PTPRD: variants seen among roughly 807,000 people sequenced by gnomAD.
PTPRD encodes protein tyrosine phosphatase receptor type D, also known as receptor-type tyrosine-protein phosphatase delta.
Under a neutral mutation model 214.5 loss-of-function variants are expected in PTPRD, and 34 were observed. The observed-to-expected ratio is 0.16, with a 90% CI of 0.12 to 0.21. The LOEUF (loss-of-function observed/expected upper bound fraction) is 0.21. Ranked by LOEUF, PTPRD falls within the 10% of genes least tolerant of loss-of-function variation. The pLI is 1.00. For missense variants in PTPRD, 2,545 were observed against 2,398.7 expected, an observed-to-expected ratio of 1.06 and a Z score of -1.27; for synonymous variants, 1,128 against 845.7, an observed-to-expected ratio of 1.33 and a Z score of -5.79.
intron 2 of PTPRD, among the ~76,000 whole-genome samples, chr9:10,429,934 TA>T (rs2098661705): frequency 1.3e-5 from 2 of 151,944 alleles, no homozygotes; most frequent in South Asian, 4.1e-4. Context: ...ATTTTCATTG[TA>T]AAAGGCACAA....
chr9:8,331,697 C>A lies in PTPRD; in HGVS notation c.5419G>T (p.Asp1807Tyr). The A allele has an allele frequency of 6.2e-7, 1 of 1,613,022 alleles. No homozygotes were observed. Among genetic ancestry groups the A allele is most frequent in the Non-Finnish European group, 8.5e-7 (1 of 1,179,644 alleles). Residue 1807 changes from aspartate to tyrosine, a missense_variant, in exon 44 of 46, where the codon GAC (aspartate) becomes TAC (tyrosine). By Grantham distance (160) the Asp-to-Tyr change is radical. Coordinates refer to ENST00000381196, the MANE Select transcript of PTPRD (RefSeq NM_002839.4). Reference protein sequence around the residue: ...SRTVRQFQFTDWPEQGVPKSG... With the variant: ...SRTVRQFQFTYWPEQGVPKSG... ...TTTGGCACTCCTTGCTCTGGCCAGT[C>A]AGTGAACTGGAACTGCCTTACTGTT... is the stretch of plus-strand genomic sequence containing the variant.
At chr9:9,074,290 A>T (rs1292986787) in intron 10 of PTPRD, among the ~76,000 whole-genome samples, 1 of 152,150 alleles carries the variant, frequency 6.6e-6, no homozygotes, top group Admixed American at 6.6e-5. Flanking sequence ...ATAATTGAAA[A>T]GAGATAAGGA....
At chr9:9,737,476 A>G (rs910789257) in intron 6 of PTPRD, among the ~76,000 whole-genome samples, 1 of 152,170 alleles carries the variant, frequency 6.6e-6, no homozygotes, top group African/African-American at 2.4e-5. Flanking sequence ...AGAAAACCCT[A>G]TATAGTACCT....
chr9:10,511,487 T>C (rs2047984009), intron 2 of PTPRD, among the ~76,000 whole-genome samples: 1 of 151,988 alleles, frequency 6.6e-6, no homozygotes, highest in South Asian at 2.1e-4. Flanking sequence ...CACTGCAACT[T>C]CTGCCTCCTG....
intron 7 of PTPRD, among the ~76,000 whole-genome samples, chr9:9,694,482 C>A (rs138974762): frequency 9.1e-4 from 139 of 152,122 alleles, no homozygotes; most frequent in African/African-American, 2.9e-3. Context: ...GTGGCCACCA[C>A]CACCAGGACT....
chr9:9,595,492 A>G (rs931604617), intron 7 of PTPRD, among the ~76,000 whole-genome samples: 2 of 150,692 alleles, frequency 1.3e-5, no homozygotes, highest in East Asian at 2.0e-4. Flanking sequence ...ATGTATGCAT[A>G]TGTACACATG....
chr9:10,601,597 A>G (rs1018556), intron 2 of PTPRD, among the ~76,000 whole-genome samples: 70,460 of 151,442 alleles, frequency 0.47, 16,628 homozygotes, highest in Middle Eastern at 0.57. Flanking sequence ...ACTACAAAAC[A>G]AAAACTTTGG....
intron 11 of PTPRD, among the ~76,000 whole-genome samples, chr9:8,975,034 T>G (rs958726648): frequency 9.4e-5 from 14 of 148,678 alleles, no homozygotes; most frequent in African/African-American, 3.5e-4. Context: ...GAAGTGGAGA[T>G]TGCAGTGAGC....
At chr9:9,799,605 C>A (rs868499176) in intron 5 of PTPRD, 6 of 152,040 alleles carry the variant, frequency 3.9e-5, no homozygotes, top group Admixed American at 3.3e-4. Context: ...TAATGAGAAC[C>A]AAGGTAAAGC....
At chr9:8,661,232 T>C (rs1052937793) in intron 12 of PTPRD, among the ~76,000 whole-genome samples, 1 of 152,088 alleles carries the variant, frequency 6.6e-6, no homozygotes, top group African/African-American at 2.4e-5. Context: ...CTTATTATAA[T>C]GGTCAGAGAA....
chr9:10,314,285 A>G (rs2096360197), intron 3 of PTPRD, among the ~76,000 whole-genome samples: 1 of 151,926 alleles, frequency 6.6e-6, no homozygotes, highest in Non-Finnish European at 1.5e-5. Flanking sequence ...AACCAGGACA[A>G]GGTTGGAATA....
chr9:9,544,437 AC>A (rs1199293258), intron 8 of PTPRD, among the ~76,000 whole-genome samples: 1 of 151,496 alleles, frequency 6.6e-6, no homozygotes, highest in Non-Finnish European at 1.5e-5. Context: ...ACATTTCTTA[AC>A]CTTTTTAAGG....
intron 8 of PTPRD, among the ~76,000 whole-genome samples, chr9:9,471,373 C>T (rs2094574499): frequency 4.6e-5 from 7 of 152,134 alleles, no homozygotes; most frequent in Admixed American, 4.6e-4. Flanking sequence ...TCTCATGGAA[C>T]AACCTACAAA....
chr9:9,444,920 C>A (rs1383411930), intron 8 of PTPRD, among the ~76,000 whole-genome samples: 1 of 152,172 alleles, frequency 6.6e-6, no homozygotes, highest in Non-Finnish European at 1.5e-5. Flanking sequence ...CCTATTTTCT[C>A]TATCCTTCAT....
chr9:9,265,019 G>A (rs1481432008), intron 9 of PTPRD, among the ~76,000 whole-genome samples: 2 of 151,544 alleles, frequency 1.3e-5, no homozygotes, highest in Non-Finnish European at 3.0e-5. Flanking sequence ...AACTAGACCT[G>A]GCTTACAAGA....
rs187744138 is a variant in PTPRD, at chr9:9,869,178, G to T, written c.-368+69329C>A. Among the ~76,000 whole-genome samples the T allele has an allele frequency of 8.7e-4, 132 of 152,206 alleles. 2 individuals are homozygous for T. The South Asian group carries it at 0.026, about 30-fold the overall frequency. On this transcript the variant is annotated intron_variant, in intron 5 of 45. Transcript: ENST00000381196. The stretch of plus-strand genomic sequence containing the variant: ...TAAATTGATAAAGGGAATCAATCAA[G>T]CATTATCTTGACTTTTCTGAACAAA...
intron 11 of PTPRD, among the ~76,000 whole-genome samples, chr9:9,002,384 AC>A (rs1410025462): frequency 6.6e-6 from 1 of 152,064 alleles, no homozygotes; most frequent in Non-Finnish European, 1.5e-5. Flanking sequence ...GGCAGCCCAT[AC>A]TAAAGAACAA....
At chr9:10,036,786 G>T (rs2097190897) in intron 3 of PTPRD, among the ~76,000 whole-genome samples, 2 of 152,002 alleles carry the variant, frequency 1.3e-5, no homozygotes, top group African/African-American at 2.4e-5. Flanking sequence ...GTTTCATCAT[G>T]TTGGCCAGGA....
intron 10 of PTPRD, among the ~76,000 whole-genome samples, chr9:9,173,917 C>T (rs1167427071): frequency 2.0e-5 from 3 of 152,176 alleles, no homozygotes; most frequent in South Asian, 2.1e-4. Context: ...TGGCTCCTAC[C>T]GGCATGCTCT....
Sources: gnomAD v4.1 joint callset for allele counts (sites outside exome capture counted in the v4.1 genomes callset) on GRCh38, gnomAD v4.1.1 for gene constraint, MANE v1.5 for transcripts, NCBI Gene and HGNC (gene_info 2026-07-23, HGNC 2026-07-21) for gene names.